The following MTIF2 variants were observed in gnomAD, a reference collection of about 807,000 sequenced individuals.
The protein encoded by MTIF2 is mitochondrial translational initiation factor 2, also known as translation initiation factor IF-2, mitochondrial.
A neutral mutation model predicts 83.5 loss-of-function variants in MTIF2; 71 were observed. The ratio of observed to expected loss-of-function variants is 0.85; its 90% confidence interval spans 0.70 to 1.04. MTIF2 has a LOEUF of 1.04. Ranked by LOEUF, MTIF2 falls within the 50% of genes least tolerant of loss-of-function variation. The probability of loss-of-function intolerance (pLI) is 0.00; values close to 1 mark genes in which losing one functional copy is unlikely to be tolerated. For synonymous variants in MTIF2, 319 were observed against 287.1 expected, an observed-to-expected ratio of 1.11 and a Z score of -1.12; for missense variants, 957 against 846.5, an observed-to-expected ratio of 1.13 and a Z score of -1.62.
Position 55,263,281 on chromosome 2 carries a change from A to G in MTIF2, c.219+359T>C, listed in dbSNP as rs551183335. Among the ~76,000 whole-genome samples the G allele has an allele frequency of 4.6e-5, 7 of 152,310 alleles. No homozygotes were observed. The South Asian group carries it at 1.4e-3, about 32-fold the overall frequency. On this transcript the variant is annotated intron_variant, in intron 4 of 15. Transcript: ENST00000263629. The stretch of plus-strand genomic sequence containing the variant: ...TTTCCAAGGAACCAAATTCATCAGC[A>G]CCACACAATTAACCGGAACTTCCCT...
intron 3 of MTIF2, 21 bp downstream of exon 3, chr2:55,267,548 G>A (rs1457945700): frequency 6.0e-6 from 1 of 166,016 alleles, no homozygotes; most frequent in Non-Finnish European, 1.5e-5. Flanking sequence ...GGCAACAAAG[G>A]AACCTTAGGT....
chr2:55,246,733 T>TA (rs958161344), intron 9 of MTIF2, among the ~76,000 whole-genome samples: 11 of 152,298 alleles, frequency 7.2e-5, no homozygotes, highest in African/African-American at 2.6e-4. Context: ...CTATTTTTTT[T>TA]AAAGGATGAC....
At chr2:55,262,958 A>G (rs1183029031) in intron 4 of MTIF2, among the ~76,000 whole-genome samples, 3 of 152,134 alleles carry the variant, frequency 2.0e-5, no homozygotes, top group Non-Finnish European at 2.9e-5. Context: ...TGAACTCTTG[A>G]TCTTGTGATC....
intron 11 of MTIF2, among the ~76,000 whole-genome samples, 161 bp from the exon 12 acceptor site, chr2:55,243,829 G>GT (rs1266055394): frequency 6.6e-6 from 1 of 152,118 alleles, no homozygotes; most frequent in African/African-American, 2.4e-5. Flanking sequence ...TTGAGAGCTT[G>GT]TATAATTGAA....
At chr2:55,242,501 C>T (rs142981996) in intron 13 of MTIF2, among the ~76,000 whole-genome samples, 9 of 152,116 alleles carry the variant, frequency 5.9e-5, no homozygotes, top group East Asian at 5.8e-4. Context: ...TAAAAAGATA[C>T]GATGTATAAA....
At chr2:55,243,898 C>G (rs1367952492) in intron 11 of MTIF2, 131 bp downstream of exon 11, 5 of 961,726 alleles carry the variant, frequency 5.2e-6, no homozygotes, top group Admixed American at 6.3e-5. Flanking sequence ...TAAAATAGCA[C>G]AACTTGCATC....
chr2:55,250,479 C>G lies in MTIF2; in HGVS notation c.842-945G>C, dbSNP rs187704584. ...AATACTGCTAGATCATTTGCCTCTTCTTTCCAGGGTTTATTTACTCATTGT... is the reference window on the plus strand; with the variant it reads ...AATACTGCTAGATCATTTGCCTCTTGTTTCCAGGGTTTATTTACTCATTGT... On this transcript the variant is annotated intron_variant, in intron 8 of 15. Transcript: ENST00000263629. Among the ~76,000 whole-genome samples the G allele has an allele frequency of 7.3e-5, 11 of 151,636 alleles. No homozygotes were observed. The East Asian group carries it at 2.1e-3, about 29-fold the overall frequency.
intron 9 of MTIF2, among the ~76,000 whole-genome samples, chr2:55,247,897 A>T (rs1676820016): frequency 6.6e-6 from 1 of 151,768 alleles, no homozygotes; most frequent in Non-Finnish European, 1.5e-5. Context: ...CAAATATTTT[A>T]ATTTTTTTTT....
At position 55,252,543 on chromosome 2, in the gene MTIF2, C is replaced by G; in HGVS notation, c.775G>C (p.Val259Leu). 6.2e-7 allele frequency: 1 copy of G among 1,614,136 alleles called. No homozygotes were observed. The highest frequency in any genetic ancestry group is 8.5e-7 in the Non-Finnish European group (1 of 1,179,978). Residue 259 changes from valine to leucine, a missense_variant, in exon 8 of 16, where the codon GTA (valine) becomes CTA (leucine). This residue lies in a region of MTIF2 where 733 missense variants were observed against 648.7 expected (regional missense o/e 1.13). Transcript: ENST00000263629. ...AQVTDIVVLV[V>L]AADDGVMKQT... ...TTCATCACTCCATCATCTGCAGCTA[C>G]AACCAATACGACAATGTCAGTGACC...
chr2:55,249,421 G>C lies in MTIF2; in HGVS notation c.955C>G (p.Gln319Glu). Residue 319 changes from glutamine (Q) to glutamate (E), a missense_variant, in exon 9 of 16, where the codon CAA (glutamine) becomes GAA (glutamate). By Grantham distance (29) the Gln-to-Glu change is conservative (BLOSUM62 2). Around this residue, in one of 3 missense-constraint regions of MTIF2, gnomAD observed 733 missense variants for 648.7 expected, o/e 1.13. Coordinates refer to ENST00000263629, the MANE Select transcript of MTIF2 (RefSeq NM_002453.3). ...GTAAGTGCGGAGACAGGCACTGCTT[G>C]AACATCACCTCCATAATCTTCACAT... ...VVCEDYGGDV[Q>E]AVPVSALTGD... 12 of 1,614,128 alleles carry C rather than the reference G, an allele frequency of 7.4e-6. No individual in the cohort carries two copies. Among genetic ancestry groups the C allele is most frequent in the South Asian group, 2.2e-5 (2 of 91,064 alleles).
At position 55,253,213 on chromosome 2, in the gene MTIF2, T is replaced by C. The variant is rs150939622; in HGVS notation, c.665-560A>G. 7.2e-5 allele frequency among the ~76,000 whole-genome samples: 11 copies of C among 152,324 alleles called. No individual in the cohort carries two copies. In the East Asian group the frequency reaches 1.9e-3, roughly 27 times the overall value. ...GTCAAGATAAAAAAGACAAAACATA[T>C]AAGGTGCTCAGCACAGTACTGGAAA... On this transcript the variant is annotated intron_variant, in intron 7 of 15. Coordinates refer to ENST00000263629, the MANE Select transcript of MTIF2 (RefSeq NM_002453.3).
intron 3 of MTIF2, 80 bp downstream of exon 3, chr2:55,267,489 G>C (rs1208276693): frequency 4.4e-5 from 7 of 157,346 alleles, no homozygotes; most frequent in Non-Finnish European, 1.0e-4. Flanking sequence ...AGAAAGAAAA[G>C]AAATGATAAC....
chr2:55,244,003 A>G (rs1262284851), intron 11 of MTIF2, 26 bp downstream of exon 11: 2 of 1,548,062 alleles, frequency 1.3e-6, no homozygotes, highest in East Asian at 4.5e-5. Context: ...ATTATATCTA[A>G]TATATAGGAA....
At chr2:55,259,469 G>A (rs985084054) in intron 5 of MTIF2, among the ~76,000 whole-genome samples, 1 of 147,330 alleles carries the variant, frequency 6.8e-6, no homozygotes, top group Non-Finnish European at 1.5e-5. Context: ...ATGGTTATGG[G>A]TTCCTCTATG....
At position 55,244,052 on chromosome 2, in the gene MTIF2, C is replaced by G; in HGVS notation, c.1288G>C (p.Glu430Gln). The G allele has an allele frequency of 6.2e-7, 1 of 1,613,988 alleles. No individual in the cohort carries two copies. Among genetic ancestry groups the G allele is most frequent in the Non-Finnish European group, 8.5e-7 (1 of 1,179,964 alleles). Reference protein sequence around the residue: ...GWRDLPSAGEEILEVESEPRA... With the variant: ...GWRDLPSAGEQILEVESEPRA... ...ACCTCAGATTCTACTTCAAGAATTT[C>G]TTCTCCTGCAGAAGGAAGGTCTCTC... The change falls in exon 11 of 16, where the codon GAA (glutamate) becomes CAA (glutamine). Residue 430 changes from glutamate (E) to glutamine (Q), a missense_variant. Glu to Gln is a conservative substitution (Grantham distance 29). This residue lies in a region of MTIF2 where 733 missense variants were observed against 648.7 expected (regional missense o/e 1.13). Coordinates refer to ENST00000263629, the MANE Select transcript of MTIF2 (RefSeq NM_002453.3).
Position 55,269,193 on chromosome 2 carries a change from T to G in MTIF2, c.-261A>C, listed in dbSNP as rs1478738149. ...CCTACAGCCCCGGGCCCCTGGATTC[T>G]GAGCACGGGCGGAGATCACCTTCTG... is the stretch of plus-strand genomic sequence containing the variant. On this transcript the variant is annotated 5_prime_UTR_variant, in exon 1 of 16. Transcript: ENST00000263629. 3 of 152,344 alleles carry G rather than the reference T, an allele frequency of 2.0e-5. No homozygotes were observed. The highest frequency in any genetic ancestry group is 4.4e-5 in the Non-Finnish European group (3 of 68,122). 9.4% of individuals were successfully genotyped at this position (152,344 alleles called of 1,614,324 possible).
At position 55,237,630 on chromosome 2, in the gene MTIF2, C is replaced by G. The variant is rs914149645; in HGVS notation, c.1871-202G>C. ...AAATGAATGAAAATCTTTGGCTATT[C>G]TTTTCCTTTTCTTTTTTTCTTTTTT... On this transcript the variant is annotated intron_variant, in intron 14 of 15. Coordinates refer to ENST00000263629, the MANE Select transcript of MTIF2 (RefSeq NM_002453.3). 3.5e-5 allele frequency among the ~76,000 whole-genome samples: 5 copies of G among 141,058 alleles called. No individual in the cohort carries two copies. The East Asian group carries it at 1.0e-3, about 29-fold the overall frequency. 92.5% of individuals were successfully genotyped at this position (141,058 alleles called of 152,430 possible).
At chr2:55,240,501 C>T (rs1264959228) in intron 13 of MTIF2, among the ~76,000 whole-genome samples, 5 of 152,100 alleles carry the variant, frequency 3.3e-5, no homozygotes, top group Admixed American at 2.6e-4. Flanking sequence ...ATCGCTTGAA[C>T]CCGGGAGGCG....
chr2:55,261,941 C>CAAAAAAAAAAAAAAAAACAA (rs5831348), intron 5 of MTIF2, among the ~76,000 whole-genome samples: 1 of 87,180 alleles, frequency 1.1e-5, no homozygotes, highest in African/African-American at 3.9e-5. Flanking sequence ...AAAAAAAAAC[C>CAAAAAAAAAAAAAAAAACAA]AAAAAAAAAA....
Sources: gnomAD v4.1 joint callset for allele counts (sites outside exome capture counted in the v4.1 genomes callset) on GRCh38, gnomAD v4.1.1 for gene constraint, gnomAD v4.1.1 regional missense constraint, MANE v1.5 for transcripts, NCBI Gene and HGNC (gene_info 2026-07-23, HGNC 2026-07-21) for gene names.